CCND3: variants seen among roughly 807,000 people sequenced by gnomAD.
CCND3 encodes cyclin D3, also known as G1/S-specific cyclin-D3.
Under a neutral mutation model 28.7 loss-of-function variants are expected in CCND3, and 9 were observed. The ratio of observed to expected loss-of-function variants is 0.31; its 90% CI spans 0.19 to 0.55. The LOEUF (loss-of-function observed/expected upper bound fraction) is 0.55. Ranked by LOEUF, CCND3 falls within the 20% of genes least tolerant of loss-of-function variation. CCND3 has a pLI of 0.93. For synonymous variants in CCND3, 164 were observed against 163.9 expected (o/e 1.00, Z 0.00); for missense variants, 315 against 385.8 (o/e 0.82, Z 1.54).
intron 1 of CCND3, among the ~76,000 whole-genome samples, chr6:41,999,318 G>A (rs1394802381): frequency 4.6e-5 from 7 of 151,922 alleles, no homozygotes; most frequent in East Asian, 1.9e-4. Flanking sequence ...GCACAATCTC[G>A]GCTCACTGCA....
In CCND3 at chr6:41,936,833, G is replaced by T; in HGVS notation, c.575-138C>A. On this transcript the variant is annotated intron_variant, in intron 3 of 4. Transcript: ENST00000372991. The surrounding 1 kb of genome is among the most constrained non-coding windows in gnomAD (Gnocchi z 4.4). Reference sequence around the variant, plus strand: ...GCTGGAAAACTCCAGCAGTGGGTGGGGCAAGATATCAGCAAGGGAGGAAGA... The same window carrying T: ...GCTGGAAAACTCCAGCAGTGGGTGGTGCAAGATATCAGCAAGGGAGGAAGA... 1.2e-6 allele frequency: 1 copy of T among 813,090 alleles called. No homozygotes were observed. Among genetic ancestry groups the T allele is most frequent in the Non-Finnish European group, 1.9e-6 (1 of 517,420 alleles). The allele number at this position is 813,090 out of a possible 1,614,324, so 50.4% of individuals were successfully genotyped here. A position where few individuals can be genotyped will look rare whatever the true frequency, so the allele number is the denominator to read the frequency against.
intron 1 of CCND3, among the ~76,000 whole-genome samples, chr6:42,012,935 A>T (rs527916303): frequency 1.6e-4 from 25 of 152,124 alleles, no homozygotes; most frequent in Non-Finnish European, 2.8e-4. Context: ...ATTCCTGGTC[A>T]GTTCTGACCA....
intron 1 of CCND3, among the ~76,000 whole-genome samples, chr6:42,023,277 C>G (rs534565063): frequency 6.6e-6 from 1 of 152,138 alleles, no homozygotes; most frequent in African/African-American, 2.4e-5. Flanking sequence ...AAATGGCCCC[C>G]GAGCCTAGGG....
Position 42,048,848 on chromosome 6 carries a change from G to C in CCND3, c.-393C>G. 3.1e-6 allele frequency: 1 copy of C among 323,210 alleles called. No individual in the cohort carries two copies. The highest frequency in any genetic ancestry group is 5.9e-6 in the Non-Finnish European group (1 of 168,854). The allele number at this position is 323,210 out of a possible 1,614,324, so 20.0% of individuals were successfully genotyped here. Reference sequence around the variant, plus strand: ...CTCGGCGAGGCCAGGAGGCTCATCCGGCGCCGCGCACCCCCGCCCGCAGCC... The same window carrying C: ...CTCGGCGAGGCCAGGAGGCTCATCCCGCGCCGCGCACCCCCGCCCGCAGCC... On this transcript the variant is annotated 5_prime_UTR_variant, in exon 1 of 5. Transcript: ENST00000372988. The surrounding 1 kb of genome is among the most constrained non-coding windows in gnomAD (Gnocchi z 4.7).
chr6:41,971,879 A>T (rs1762039285), intron 1 of CCND3, among the ~76,000 whole-genome samples: 1 of 149,912 alleles, frequency 6.7e-6, no homozygotes, highest in Admixed American at 6.7e-5. Context: ...CATTGCATTT[A>T]CTTGTCGTAT....
intron 1 of CCND3, among the ~76,000 whole-genome samples, chr6:41,990,017 A>G (rs914482831): frequency 1.3e-5 from 2 of 152,216 alleles, no homozygotes; most frequent in Admixed American, 1.3e-4. Context: ...AAGGAAGTCA[A>G]ATTGTTCCAG....
At chr6:42,009,722 G>A (rs931571942) in intron 1 of CCND3, among the ~76,000 whole-genome samples, 2 of 152,136 alleles carry the variant, frequency 1.3e-5, no homozygotes, top group African/African-American at 2.4e-5. Flanking sequence ...TGGGCAGATC[G>A]CTTGAACCCA....
intron 1 of CCND3, among the ~76,000 whole-genome samples, chr6:41,959,615 G>C (rs1292993287): frequency 6.6e-6 from 1 of 150,584 alleles, no homozygotes; most frequent in African/African-American, 2.5e-5. Flanking sequence ...TTAAACCAGG[G>C]AGTCGGAGGT....
In CCND3 at chr6:41,941,035, C is replaced by T. The variant is rs1194302456; in HGVS notation, c.198+417G>A. ...GCCGGAACAGGGCGCGCGCCACCCC[C>T]ATCGCCTTCCCCGCCAGAACCCCGC... On this transcript the variant is annotated intron_variant, in intron 1 of 4. Transcript: ENST00000372991. This position sits in a 1 kb window ranked among gnomAD's most constrained non-coding sequence, Gnocchi z 6.1. 2 of 1,604,806 alleles carry T rather than the reference C, an allele frequency of 1.2e-6. No homozygotes were observed. The highest frequency in any genetic ancestry group is 1.7e-5 in the Admixed American group (1 of 59,146).
chr6:42,005,280 GCCTGTAATC>G (rs1349521344), intron 1 of CCND3, among the ~76,000 whole-genome samples: 1 of 152,060 alleles, frequency 6.6e-6, no homozygotes, highest in Admixed American at 6.6e-5. Flanking sequence ...GGTGGCTCAG[GCCTGTAATC>G]CCAGAATTTT....
intron 1 of CCND3, among the ~76,000 whole-genome samples, chr6:41,965,230 T>C (rs1048725364): frequency 6.6e-6 from 1 of 151,958 alleles, no homozygotes; most frequent in South Asian, 2.1e-4. Flanking sequence ...CCATCACGCC[T>C]GGCTAATTTT....
Position 41,941,458 on chromosome 6 carries a change from C to T in CCND3, c.192G>A (p.Met64Ile). The change falls in exon 1 of 5, where the codon ATG becomes ATA. Residue 64 changes from methionine to isoleucine, a missense_variant. Coordinates refer to ENST00000372991, the MANE Select transcript of CCND3 (RefSeq NM_001760.5). This position sits in a 1 kb window ranked among gnomAD's most constrained non-coding sequence, Gnocchi z 6.1. ...PHMRKMLAYW[M>I]LEVCEEQRCE... ...GGACGCGTCCGGGCGGTACCTCCAG[C>T]ATCCAGTAAGCCAGCATCTTCCGCA... 6.2e-7 allele frequency: 1 copy of T among 1,608,568 alleles called. No individual in the cohort carries two copies. Among genetic ancestry groups the T allele is most frequent in the Non-Finnish European group, 8.5e-7 (1 of 1,178,838 alleles).
chr6:42,029,161 T>A (rs142245264), intron 1 of CCND3, among the ~76,000 whole-genome samples: 3,712 of 150,886 alleles, frequency 0.025, 152 homozygotes, highest in African/African-American at 0.084. Flanking sequence ...TTTTTTTTTT[T>A]TTATTATTTT....
At chr6:42,029,167 AT>A (rs1763974849) in intron 1 of CCND3, among the ~76,000 whole-genome samples, 1 of 145,436 alleles carries the variant, frequency 6.9e-6, no homozygotes, top group South Asian at 2.2e-4. Flanking sequence ...TTTTTTTATT[AT>A]TTTTTAGAGA....
rs552706337 is a variant in CCND3 at position 41,974,924 on chromosome 6, G to T, written c.-45-34339C>A. ...TCTCCTGCCTCAGCCTCCCGAGTAG[G>T]TGGGATTACAGGCGCCTGCCACCAC... On this transcript the variant is annotated intron_variant, in intron 1 of 4. Coordinates refer to the CCND3 transcript ENST00000372988. Among the ~76,000 whole-genome samples the T allele has an allele frequency of 1.1e-3, 163 of 151,194 alleles. 1 individual carries two copies. The South Asian group carries it at 0.018, about 17-fold the overall frequency.
At chr6:41,987,477 TTCTC>T (rs71544258) in intron 1 of CCND3, among the ~76,000 whole-genome samples, 86 of 126,474 alleles carry the variant, frequency 6.8e-4, no homozygotes, top group African/African-American at 2.2e-3. Flanking sequence ...GACCAGGCTT[TTCTC>T]TCTCTCTCTC....
intron 1 of CCND3, among the ~76,000 whole-genome samples, chr6:42,016,791 G>T (rs1426807795): frequency 6.6e-6 from 1 of 151,750 alleles, no homozygotes; most frequent in Non-Finnish European, 1.5e-5. Context: ...TACCATGTTG[G>T]CTAGGCTGGT....
chr6:41,984,341 T>A (rs1326164884), intron 1 of CCND3, among the ~76,000 whole-genome samples: 1 of 151,854 alleles, frequency 6.6e-6, no homozygotes, highest in East Asian at 1.9e-4. Context: ...GGTAGTTCTG[T>A]TTTTTTGTTT....
intron 1 of CCND3, among the ~76,000 whole-genome samples, chr6:41,965,039 T>C (rs1014839694): frequency 6.8e-5 from 10 of 146,810 alleles, no homozygotes; most frequent in Admixed American, 5.5e-4. Context: ...TTGGGGAAAA[T>C]GTTCTCTATT....
Sources: gnomAD v4.1 joint callset for allele counts (sites outside exome capture counted in the v4.1 genomes callset) on GRCh38, gnomAD v4.1.1 for gene constraint, Gnocchi (gnomAD v3.1) non-coding constraint, MANE v1.5 for transcripts, NCBI Gene and HGNC (gene_info 2026-07-23, HGNC 2026-07-21) for gene names.